Variants in NEDD4L observed in about 807,000 individuals in gnomAD.
NEDD4L encodes the protein NEDD4 like E3 ubiquitin protein ligase.
In NEDD4L, 54 loss-of-function variants were observed where a neutral mutation model predicts 148.9. The observed-to-expected ratio is 0.36, with a 90% CI of 0.29 to 0.45. The LOEUF (loss-of-function observed/expected upper bound fraction) is 0.45. Ranked by LOEUF, NEDD4L falls within the 20% of genes least tolerant of loss-of-function variation. The pLI is 1.00. For synonymous variants in NEDD4L, 433 were observed against 440.7 expected (o/e 0.98, Z 0.22); for missense variants, 856 against 1,233.8 (o/e 0.69, Z 4.59).
At chr18:58,373,068 C>A in intron 23 of NEDD4L, 106 bp from the exon 24 acceptor site, 1 of 685,996 alleles carries the variant, frequency 1.5e-6, no homozygotes, top group East Asian at 2.8e-5. Flanking sequence ...TAACATATTT[C>A]TTGAGCATTC....
chr18:58,094,392 GC>G (rs1461711806), intron 1 of NEDD4L, among the ~76,000 whole-genome samples: 1 of 151,876 alleles, frequency 6.6e-6, no homozygotes, highest in Non-Finnish European at 1.5e-5. Context: ...TCTCCATGTT[GC>G]CCAGGCTGGT....
chr18:58,124,763 C>A (rs1028579954), intron 1 of NEDD4L, among the ~76,000 whole-genome samples: 24 of 152,262 alleles, frequency 1.6e-4, no homozygotes, highest in African/African-American at 5.3e-4. Flanking sequence ...TCTTCCCTCA[C>A]ATACTTTATT....
chr18:58,195,626 T>C, intron 2 of NEDD4L: 1 of 1,349,136 alleles, frequency 7.4e-7, no homozygotes, highest in Non-Finnish European at 9.8e-7. Flanking sequence ...GAGACCAGGA[T>C]TTCTCCTCGC....
At chr18:58,375,274 C>T (rs2047417298) in intron 24 of NEDD4L, among the ~76,000 whole-genome samples, 1 of 152,152 alleles carries the variant, frequency 6.6e-6, no homozygotes, top group South Asian at 2.1e-4. Context: ...CTGTCGGCCG[C>T]CCCCTTTCCT....
intron 1 of NEDD4L, among the ~76,000 whole-genome samples, chr18:58,057,716 T>C (rs530552226): frequency 3.0e-4 from 45 of 152,266 alleles, no homozygotes; most frequent in African/African-American, 9.9e-4. Flanking sequence ...GGGCTGGTAA[T>C]GGCAGCCAGT....
intron 5 of NEDD4L, among the ~76,000 whole-genome samples, chr18:58,253,058 C>T (rs1354239900): frequency 6.6e-6 from 1 of 152,200 alleles, no homozygotes; most frequent in African/African-American, 2.4e-5. Context: ...AATTTACCCT[C>T]TCTGAAACTT....
At chr18:58,387,396 T>G (rs1309811438) in intron 26 of NEDD4L, 43 bp from the exon 27 acceptor site, 5 of 1,481,662 alleles carry the variant, frequency 3.4e-6, no homozygotes, top group African/African-American at 1.5e-5. Flanking sequence ...TTTTTTTTTT[T>G]GAAGGCAATA....
At chr18:58,142,723 A>G (rs188419594) in intron 1 of NEDD4L, among the ~76,000 whole-genome samples, 17 of 152,334 alleles carry the variant, frequency 1.1e-4, no homozygotes, top group Non-Finnish European at 2.4e-4. Flanking sequence ...ATATTTAATG[A>G]GCATTCAGGC....
chr18:58,377,735 A>G (rs1451754973), intron 24 of NEDD4L, among the ~76,000 whole-genome samples: 1 of 107,710 alleles, frequency 9.3e-6, no homozygotes, highest in Non-Finnish European at 1.9e-5. Context: ...TAATTTGGTT[A>G]TGGGTTTGTT....
chr18:58,331,554 A>G (rs1346822062), intron 11 of NEDD4L, among the ~76,000 whole-genome samples: 1 of 152,258 alleles, frequency 6.6e-6, no homozygotes, highest in Admixed American at 6.5e-5. Flanking sequence ...GATGGGCCCA[A>G]TGCCTGAGCC....
chr18:58,387,621 A>G, intron 27 of NEDD4L, 123 bp downstream of exon 27: 1 of 1,102,046 alleles, frequency 9.1e-7, no homozygotes, highest in South Asian at 1.8e-5. Flanking sequence ...TAGATGAATT[A>G]TATTACATGT....
intron 1 of NEDD4L, among the ~76,000 whole-genome samples, chr18:58,120,432 A>G (rs894098727): frequency 6.6e-6 from 1 of 152,198 alleles, no homozygotes; most frequent in Non-Finnish European, 1.5e-5. Flanking sequence ...AACATAAAAT[A>G]CTATCAGTAC....
chr18:58,376,331 A>G (rs1157833483), intron 24 of NEDD4L, among the ~76,000 whole-genome samples: 1 of 152,180 alleles, frequency 6.6e-6, no homozygotes, highest in Non-Finnish European at 1.5e-5. Context: ...GGGTAGGATC[A>G]AGTAGAGTAA....
rs555740161 is a variant in NEDD4L, at chr18:58,360,757, T to C, written c.1767+3505T>C. Among the ~76,000 whole-genome samples, 19 of 151,940 alleles carry C rather than the reference T, an allele frequency of 1.3e-4. No homozygotes were observed. In the East Asian group the frequency reaches 3.7e-3, roughly 29 times the overall value. On this transcript the variant is annotated intron_variant, in intron 19 of 30. Coordinates refer to ENST00000400345, the MANE Select transcript of NEDD4L (RefSeq NM_001144967.3). ...AGTTTATAATTTGTGTGTGTGTGTGTGTGTGTGTGTGTGTGTACATGCATG... is the reference window on the plus strand; with the variant it reads ...AGTTTATAATTTGTGTGTGTGTGTGCGTGTGTGTGTGTGTGTACATGCATG...
intron 1 of NEDD4L, among the ~76,000 whole-genome samples, chr18:58,127,475 G>A (rs994091750): frequency 4.0e-5 from 6 of 151,778 alleles, no homozygotes; most frequent in South Asian, 2.1e-4. Context: ...AGGCCGAGGC[G>A]GGAAGATCGC....
At chr18:58,134,973 TAGA>T (rs747261588) in intron 1 of NEDD4L, among the ~76,000 whole-genome samples, 49 of 152,308 alleles carry the variant, frequency 3.2e-4, no homozygotes, top group Admixed American at 2.3e-3. Context: ...AGGAACATTC[TAGA>T]AGGACATTAG....
chr18:58,199,551 C>T (rs933068872), intron 2 of NEDD4L, among the ~76,000 whole-genome samples: 1 of 152,148 alleles, frequency 6.6e-6, no homozygotes, highest in African/African-American at 2.4e-5. Flanking sequence ...GAGGCTGGGG[C>T]ATGAGGATTG....
At chr18:58,138,305 G>A (rs2033083421) in intron 1 of NEDD4L, among the ~76,000 whole-genome samples, 1 of 133,502 alleles carries the variant, frequency 7.5e-6, no homozygotes, top group African/African-American at 2.8e-5. Flanking sequence ...AGGCATTGCT[G>A]GGTGACTTCC....
chr18:58,194,094 G>A (rs890981001), intron 2 of NEDD4L: 3 of 152,294 alleles, frequency 2.0e-5, no homozygotes, highest in Admixed American at 2.0e-4. Context: ...CTGTGGGAAA[G>A]AATGAAGGTT....
Sources: allele counts gnomAD v4.1 joint callset (sites outside exome capture counted in the v4.1 genomes callset), GRCh38; gene constraint gnomAD v4.1.1; transcripts MANE v1.5; gene names NCBI Gene and HGNC (gene_info 2026-07-23, HGNC 2026-07-21).